Variants in FAM13B observed in about 807,000 individuals in gnomAD.
FAM13B encodes protein FAM13B.
Under a neutral mutation model 117.3 loss-of-function variants are expected in FAM13B, and 60 were observed. That is an observed-to-expected ratio of 0.51 (90% CI 0.42 to 0.63). The LOEUF is 0.63. FAM13B is among the 30% of genes least tolerant of loss of function. FAM13B has a pLI of 0.00. For missense variants in FAM13B, 972 were observed against 1,091.9 expected, an observed-to-expected ratio of 0.89 and a Z score of 1.55; for synonymous variants, 332 against 356.1, an observed-to-expected ratio of 0.93 and a Z score of 0.76.
At chr5:137,976,527 A>C (rs1279373004) in intron 10 of FAM13B, among the ~76,000 whole-genome samples, 1 of 152,236 alleles carries the variant, frequency 6.6e-6, no homozygotes, top group Non-Finnish European at 1.5e-5. Flanking sequence ...ATAACCTATC[A>C]GCCAGAAGGC....
rs1364236427 is a variant in FAM13B, at chr5:137,994,782, T to A, written c.849-6467A>T. Among the ~76,000 whole-genome samples, 4 of 152,220 alleles carry A rather than the reference T, an allele frequency of 2.6e-5. No individual in the cohort carries two copies. The East Asian group carries it at 7.7e-4, about 29-fold the overall frequency. On this transcript the variant is annotated intron_variant, in intron 7 of 23. Transcript: ENST00000689681. ...ACTATAGTCATTCCCTGACATTTTA[T>A]CCCTTCTGCTATTAACTCTATTTTC...
chr5:138,030,334 A>C (rs7727077), intron 1 of FAM13B, among the ~76,000 whole-genome samples: 111,954 of 151,736 alleles, frequency 0.74, 41,928 homozygotes, highest in East Asian at 0.97. Context: ...GCAGCCTCAA[A>C]CTCCTGGGCT....
At chr5:137,966,480 T>TAG (rs1452687913) in intron 10 of FAM13B, among the ~76,000 whole-genome samples, 45 of 59,064 alleles carry the variant, frequency 7.6e-4, no homozygotes, top group East Asian at 1.7e-3. Context: ...TATATATATA[T>TAG]ATATATATAG....
chr5:137,939,756 C>T lies in FAM13B; in HGVS notation c.*469G>A, dbSNP rs1430815081. On this transcript the variant is annotated 3_prime_UTR_variant, in exon 24 of 24. Coordinates refer to ENST00000689681, the MANE Select transcript of FAM13B (RefSeq NM_001385994.1). Reference sequence around the variant, plus strand: ...TCTAGGAAAACAGAGAACACAGTTGCGTATGTGCACTTTTATAGGCTTTTC... The same window carrying T: ...TCTAGGAAAACAGAGAACACAGTTGTGTATGTGCACTTTTATAGGCTTTTC... 8.8e-6 allele frequency: 6 copies of T among 684,514 alleles called. No homozygotes were observed. The highest frequency in any genetic ancestry group is 1.9e-5 in the African/African-American group (1 of 52,194). 42.4% of individuals were successfully genotyped at this position (684,514 alleles called of 1,614,324 possible).
chr5:137,945,842 T>G, intron 20 of FAM13B, 60 bp downstream of exon 20: 1 of 1,256,310 alleles, frequency 8.0e-7, no homozygotes, highest in Non-Finnish European at 1.1e-6. Context: ...ATAATAATTT[T>G]TTTTGGGAAG....
intron 13 of FAM13B, among the ~76,000 whole-genome samples, chr5:137,958,480 T>C (rs1455048126): frequency 6.6e-6 from 1 of 151,654 alleles, no homozygotes; most frequent in Non-Finnish European, 1.5e-5. Context: ...ACACACTCCA[T>C]TTGCGATCAG....
intron 7 of FAM13B, among the ~76,000 whole-genome samples, chr5:137,997,304 C>T (rs113432437): frequency 1.1e-4 from 17 of 152,006 alleles, no homozygotes; most frequent in African/African-American, 4.1e-4. Flanking sequence ...CCCATCTCTA[C>T]TAAAATTACA....
At chr5:137,981,642 C>A (rs1039969902) in intron 10 of FAM13B, among the ~76,000 whole-genome samples, 1 of 151,826 alleles carries the variant, frequency 6.6e-6, no homozygotes, top group Non-Finnish European at 1.5e-5. Flanking sequence ...AAAAATTAGC[C>A]GGGCGTGGTG....
chr5:138,033,305 G>A (rs1051656144), upstream of FAM13B, among the ~76,000 whole-genome samples: 1 of 152,234 alleles, frequency 6.6e-6, no homozygotes, highest in African/African-American at 2.4e-5. Context: ...TCGGTATGGG[G>A]AGGTTGGGAA....
At chr5:137,945,165 T>C (rs565927403) in intron 20 of FAM13B, among the ~76,000 whole-genome samples, 1 of 151,918 alleles carries the variant, frequency 6.6e-6, no homozygotes, top group Admixed American at 6.6e-5. Context: ...GCCATGCAAG[T>C]AGCTGTCTAC....
At chr5:138,020,987 A>G (rs1396197016) in intron 2 of FAM13B, 44 bp downstream of exon 2, 14 of 1,213,272 alleles carry the variant, frequency 1.2e-5, no homozygotes, top group Middle Eastern at 6.3e-4. Flanking sequence ...CAAAATCTCT[A>G]TGGATTTATA....
chr5:137,962,021 T>G (rs924204985), intron 11 of FAM13B, among the ~76,000 whole-genome samples: 1 of 152,230 alleles, frequency 6.6e-6, no homozygotes, highest in Non-Finnish European at 1.5e-5. Context: ...AAACATCCTA[T>G]ACATATTTGT....
intron 7 of FAM13B, among the ~76,000 whole-genome samples, chr5:137,992,118 C>T (rs1156266673): frequency 6.6e-6 from 1 of 151,830 alleles, no homozygotes; most frequent in African/African-American, 2.4e-5. Flanking sequence ...CATCATGTTG[C>T]CCAGGCTGGT....
intron 10 of FAM13B, among the ~76,000 whole-genome samples, chr5:137,977,072 G>A (rs951044230): frequency 6.6e-6 from 1 of 152,138 alleles, no homozygotes; most frequent in African/African-American, 2.4e-5. Context: ...GAAAGAGAAT[G>A]CACCCCTGAG....
At chr5:138,022,921 T>G (rs377393006) in intron 1 of FAM13B, among the ~76,000 whole-genome samples, 1 of 151,924 alleles carries the variant, frequency 6.6e-6, no homozygotes, top group East Asian at 1.9e-4. Context: ...CTCAAACTCC[T>G]GGACCCAAGC....
chr5:137,983,213 A>AAAAAAAAAAAAAAAAAAAAAAAAAAC lies in FAM13B; in HGVS notation c.1179+2043_1179+2044insGTTTTTTTTTTTTTTTTTTTTTTTTT, dbSNP rs1561492748. 1.7e-4 allele frequency among the ~76,000 whole-genome samples: 16 copies of AAAAAAAAAAAAAAAAAAAAAAAAAAC among 93,720 alleles called. 2 individuals carry two copies. The highest frequency in any genetic ancestry group is 6.1e-4 in the South Asian group (2 of 3,268). The allele number at this position is 93,720 out of a possible 152,430, so 61.5% of individuals were successfully genotyped here. Reference sequence around the variant, plus strand: ...AAAAAAAAAAAAAAAAAAAAAAAAAAAACCGAGTGAGATATCCTGAATGCC... The same window carrying AAAAAAAAAAAAAAAAAAAAAAAAAAC: ...AAAAAAAAAAAAAAAAAAAAAAAAAAAAAAAAAAAAAAAAAAAAAAAAAAACAACCGAGTGAGATATCCTGAATGCC... On this transcript the variant is annotated intron_variant, in intron 10 of 23. Transcript: ENST00000689681.
At chr5:137,991,603 T>C (rs1001226963) in intron 7 of FAM13B, among the ~76,000 whole-genome samples, 20 of 152,184 alleles carry the variant, frequency 1.3e-4, no homozygotes, top group African/African-American at 3.4e-4. Flanking sequence ...CACAAAAAAA[T>C]AGGCAGACAG....
chr5:137,982,725 A>C (rs1385083159), intron 10 of FAM13B, among the ~76,000 whole-genome samples: 2 of 152,166 alleles, frequency 1.3e-5, no homozygotes, highest in African/African-American at 4.8e-5. Flanking sequence ...CATCAAACCA[A>C]AGCATTAAAA....
At chr5:137,953,797 T>TA (rs760877124) in intron 15 of FAM13B, among the ~76,000 whole-genome samples, 6 of 152,148 alleles carry the variant, frequency 3.9e-5, no homozygotes, top group South Asian at 2.1e-4. Context: ...AAAGCTTTGA[T>TA]AAAAAAAGAT....
Sources: allele counts gnomAD v4.1 joint callset (sites outside exome capture counted in the v4.1 genomes callset), GRCh38; gene constraint gnomAD v4.1.1; transcripts MANE v1.5; gene names NCBI Gene and HGNC (gene_info 2026-07-23, HGNC 2026-07-21).